Variants in NT5C1B observed in about 807,000 individuals in gnomAD.
NT5C1B encodes cytosolic 5'-nucleotidase 1B.
NT5C1B carries 44 observed loss-of-function variants against 57.8 expected under a neutral mutation model. The observed-to-expected ratio is 0.76, with a 90% confidence interval of 0.60 to 0.98. The LOEUF is 0.98. Ranked by LOEUF, NT5C1B falls within the 50% of genes least tolerant of loss-of-function variation. NT5C1B has a pLI of 0.00. For synonymous variants in NT5C1B, 284 were observed against 282.6 expected, an observed-to-expected ratio of 1.00 and a Z score of -0.05; for missense variants, 742 against 719.5, an observed-to-expected ratio of 1.03 and a Z score of -0.36.
chr2:18,586,181 T>A, intron 3 of NT5C1B, 73 bp downstream of exon 3: 1 of 1,570,422 alleles, frequency 6.4e-7, no homozygotes, highest in Non-Finnish European at 8.7e-7. Context: ...GCCTGGCACG[T>A]AGAAAGCATC....
chr2:18,569,984 T>C (rs189209699), intron 8 of NT5C1B, among the ~76,000 whole-genome samples: 184 of 152,234 alleles, frequency 1.2e-3, no homozygotes, highest in Non-Finnish European at 1.7e-3. Context: ...ATTTAAATAA[T>C]TGAGATACAA....
chr2:18,585,628 A>G (rs914467717), intron 3 of NT5C1B, among the ~76,000 whole-genome samples: 2 of 152,136 alleles, frequency 1.3e-5, no homozygotes, highest in African/African-American at 4.8e-5. Context: ...TCTAGAGAAA[A>G]AACTCCTTTA....
chr2:18,577,674 C>T (rs73226372), intron 6 of NT5C1B, among the ~76,000 whole-genome samples: 4,850 of 148,452 alleles, frequency 0.033, 250 homozygotes, highest in African/African-American at 0.11. Context: ...CACAAATTAA[C>T]AACATAACAT....
intron 8 of NT5C1B, among the ~76,000 whole-genome samples, chr2:18,572,445 C>A (rs1665292037): frequency 6.6e-6 from 1 of 152,142 alleles, no homozygotes; most frequent in Non-Finnish European, 1.5e-5. Context: ...ATTGATAAAT[C>A]TGACTTCATC....
At chr2:18,588,176 A>G (rs1369380375) in intron 1 of NT5C1B, among the ~76,000 whole-genome samples, 1 of 152,228 alleles carries the variant, frequency 6.6e-6, no homozygotes, top group Non-Finnish European at 1.5e-5. Context: ...AATTAACAAC[A>G]GATAGGGAAA....
intron 7 of NT5C1B, 78 bp downstream of exon 7, chr2:18,576,695 A>T: frequency 6.3e-7 from 1 of 1,582,098 alleles, no homozygotes; most frequent in East Asian, 2.2e-5. Context: ...AAGCCTCATA[A>T]TCATATGCGA....
Position 18,564,194 on chromosome 2 carries a change from A to G in NT5C1B, c.1330-75T>C. On this transcript the variant is annotated intron_variant, in intron 8 of 8. Transcript: ENST00000304081. ...TGAATGCTAAAAAGCAGAGACCTAT[A>G]TGATACGATACAATACAAAGGATAT... 3.4e-6 allele frequency: 5 copies of G among 1,469,712 alleles called. No homozygotes were observed. In the South Asian group the frequency reaches 7.2e-5, roughly 21 times the overall value. 91.0% of individuals were successfully genotyped at this position (1,469,712 alleles called of 1,614,324 possible).
intron 8 of NT5C1B, among the ~76,000 whole-genome samples, chr2:18,574,241 G>C (rs1395682643): frequency 6.6e-6 from 1 of 152,028 alleles, no homozygotes; most frequent in African/African-American, 2.4e-5. Flanking sequence ...TTAATCATCA[G>C]AGAAATCCAA....
At chr2:18,588,286 A>G (rs1237146752) in intron 1 of NT5C1B, among the ~76,000 whole-genome samples, 1 of 152,206 alleles carries the variant, frequency 6.6e-6, no homozygotes, top group Non-Finnish European at 1.5e-5. Context: ...TTGGAATATT[A>G]TTTGAACTGT....
exon 1 of NT5C1B, chr2:18,589,534 C>T: frequency 6.2e-7 from 1 of 1,611,520 alleles, no homozygotes; most frequent in East Asian, 2.2e-5. Flanking sequence ...CATTTCCTGT[C>T]ACTTCCCTTG....
At chr2:18,582,826 G>T in intron 6 of NT5C1B, 42 bp downstream of exon 6, 1 of 1,596,400 alleles carries the variant, frequency 6.3e-7, no homozygotes. Flanking sequence ...CTCTCTTTCA[G>T]AGCGGAGAGC....
intron 8 of NT5C1B, among the ~76,000 whole-genome samples, chr2:18,572,463 TAA>T (rs1487514275): frequency 6.6e-6 from 1 of 152,326 alleles, no homozygotes; most frequent in East Asian, 1.9e-4. Context: ...ATCAAAATTA[TAA>T]GTTTCTGCTC....
chr2:18,564,100 A>T (rs1308897069), exon 9 of NT5C1B: 1 of 1,583,020 alleles, frequency 6.3e-7, no homozygotes. Flanking sequence ...TAAATCTTCC[A>T]GAAAGCCTTT....
intron 6 of NT5C1B, among the ~76,000 whole-genome samples, chr2:18,580,584 C>T (rs1666098620): frequency 6.6e-6 from 1 of 152,184 alleles, no homozygotes; most frequent in South Asian, 2.1e-4. Flanking sequence ...TATTGCACTC[C>T]AGCCTGGGCA....
rs111730878 is a variant in NT5C1B, at chr2:18,583,196, C to G, written c.892-199G>C. Among the ~76,000 whole-genome samples, 304 of 152,268 alleles carry G rather than the reference C, an allele frequency of 2.0e-3. 1 individual carries two copies. Among genetic ancestry groups the G allele is most frequent in the African/African-American group, 6.8e-3 (282 of 41,566 alleles). ...CATTCATAGGAACTCAGTTAATGTT[C>G]ACAATACATGAGTAATGTTTGTTGA... On this transcript the variant is annotated intron_variant, in intron 5 of 8. Transcript: ENST00000304081.
chr2:18,571,517 TGAG>T (rs894464042), intron 8 of NT5C1B, among the ~76,000 whole-genome samples: 3 of 151,028 alleles, frequency 2.0e-5, no homozygotes, highest in African/African-American at 7.3e-5. Context: ...TCTAAATAAA[TGAG>T]GAGAGGAGAA....
exon 9 of NT5C1B, chr2:18,563,191 T>C (rs185128353): frequency 4.3e-4 from 66 of 152,250 alleles, no homozygotes; most frequent in African/African-American, 1.5e-3. Flanking sequence ...AGAGAACCTT[T>C]CTTAGGGGTT....
At chr2:18,576,212 G>A (rs1665658151) in exon 8 of NT5C1B, 1 of 1,613,078 alleles carries the variant, frequency 6.2e-7, no homozygotes, top group Non-Finnish European at 8.5e-7. Context: ...TTCACATAAT[G>A]TATCATACTG....
At chr2:18,564,205 C>G in intron 8 of NT5C1B, 86 bp from the exon 9 acceptor site, 2 of 1,424,376 alleles carry the variant, frequency 1.4e-6, no homozygotes, top group Non-Finnish European at 1.9e-6. Flanking sequence ...TGATACGATA[C>G]AATACAAAGG....
Sources: allele counts gnomAD v4.1 joint callset (sites outside exome capture counted in the v4.1 genomes callset), GRCh38; gene constraint gnomAD v4.1.1; transcripts MANE v1.5; gene names NCBI Gene and HGNC (gene_info 2026-07-23, HGNC 2026-07-21).